The following MRPL22 variants were observed in gnomAD, a reference collection of about 807,000 sequenced individuals.
MRPL22 encodes the protein mitochondrial ribosomal protein L22.
MRPL22 carries 27 observed loss-of-function variants against 32.4 expected under a neutral mutation model. The observed-to-expected ratio is 0.83, with a 90% CI of 0.61 to 1.15. The LOEUF (loss-of-function observed/expected upper bound fraction) is 1.15, where lower values mean the gene tolerates loss of function less well. Among genes scored for constraint, MRPL22 ranks in the 50% most tolerant of loss-of-function variants. The pLI is 0.00. For missense variants in MRPL22, 239 were observed against 260.2 expected (o/e 0.92, Z 0.56); for synonymous variants, 86 against 87.3 (o/e 0.99, Z 0.08).
chr5:154,943,593 C>CACATATATACATATATACACATATATAT (rs1764448583), intron 2 of MRPL22, among the ~76,000 whole-genome samples: 1 of 151,438 alleles, frequency 6.6e-6, no homozygotes, highest in Non-Finnish European at 1.5e-5. Flanking sequence ...CACATATATG[C>CACATATATACATATATACACATATATAT]ACATATATAC....
At chr5:154,957,528 T>G (rs1244625209) in intron 5 of MRPL22, among the ~76,000 whole-genome samples, 2 of 152,212 alleles carry the variant, frequency 1.3e-5, no homozygotes, top group African/African-American at 4.8e-5. Flanking sequence ...TATTTGTGTG[T>G]ATGTATGTGT....
intron 3 of MRPL22, 38 bp from the exon 4 acceptor site, chr5:154,956,333 A>G (rs1473507707): frequency 2.1e-6 from 3 of 1,438,232 alleles, no homozygotes; most frequent in Non-Finnish European, 2.9e-6. Context: ...TAAACCTGCT[A>G]ACATTTTCTT....
rs1463401967 is a variant in MRPL22, at chr5:154,957,223, A to G, written c.339+11A>G. On this transcript the variant is annotated intron_variant, in intron 5 of 6. Coordinates refer to ENST00000523037, the MANE Select transcript of MRPL22 (RefSeq NM_014180.4). ...AAAATAATTAAAGAGGTAAACTTAC[A>G]AGTTTGGGTGTGGTAGGGAATGGGG... is the stretch of plus-strand genomic sequence containing the variant. The G allele has an allele frequency of 6.2e-7, 1 of 1,607,598 alleles. No homozygotes were observed. Among genetic ancestry groups the G allele is most frequent in the Non-Finnish European group, 8.5e-7 (1 of 1,174,076 alleles).
At chr5:154,961,423 A>G (rs1205789044) in intron 6 of MRPL22, among the ~76,000 whole-genome samples, 1 of 152,236 alleles carries the variant, frequency 6.6e-6, no homozygotes, top group Admixed American at 6.5e-5. Context: ...TGAATATCAA[A>G]TCAAATTTAA....
intron 6 of MRPL22, among the ~76,000 whole-genome samples, chr5:154,960,268 C>A (rs918738993): frequency 4.6e-5 from 7 of 152,128 alleles, no homozygotes; most frequent in African/African-American, 1.7e-4. Flanking sequence ...AGACTGAGAT[C>A]ATAAAGCCAA....
intron 6 of MRPL22, among the ~76,000 whole-genome samples, chr5:154,964,054 G>T (rs1415363157): frequency 6.6e-6 from 1 of 152,208 alleles, no homozygotes; most frequent in Non-Finnish European, 1.5e-5. Context: ...ATATTCCAGA[G>T]AACTGAACAT....
intron 4 of MRPL22, chr5:154,956,888 T>C (rs1470772983): frequency 9.2e-6 from 4 of 436,440 alleles, no homozygotes. Context: ...CTGTGGTCTC[T>C]CTGTCATGTT....
At chr5:154,948,160 C>G (rs963343584) in intron 2 of MRPL22, among the ~76,000 whole-genome samples, 1 of 152,120 alleles carries the variant, frequency 6.6e-6, no homozygotes, top group Non-Finnish European at 1.5e-5. Context: ...GTATCCGTCA[C>G]CCAACTTCAA....
At position 154,941,088 on chromosome 5, in the gene MRPL22, C is replaced by T. The variant is rs201800698; in HGVS notation, c.-23C>T. The T allele has an allele frequency of 4.2e-5, 67 of 1,613,432 alleles. No individual in the cohort carries two copies. Among genetic ancestry groups the T allele is most frequent in the East Asian group, 6.7e-5 (3 of 44,872 alleles). On this transcript the variant is annotated 5_prime_UTR_variant, in exon 1 of 7. Transcript: ENST00000523037. Reference sequence around the variant, plus strand: ...TCCAGAAGGCGCTTGAACTCGGCGGCTTCCGTAGCGGGAGGGCGAAAGATG... The same window carrying T: ...TCCAGAAGGCGCTTGAACTCGGCGGTTTCCGTAGCGGGAGGGCGAAAGATG...
At chr5:154,956,074 T>G in intron 3 of MRPL22, 1 of 273,476 alleles carries the variant, frequency 3.7e-6, no homozygotes, top group African/African-American at 2.2e-5. Context: ...TAAAGATACT[T>G]TCATTTAAAT....
intron 6 of MRPL22, among the ~76,000 whole-genome samples, chr5:154,960,828 A>G (rs960886975): frequency 1.3e-5 from 2 of 152,294 alleles, no homozygotes; most frequent in African/African-American, 4.8e-5. Context: ...TCACTACAGC[A>G]ATTACTCCTA....
intron 2 of MRPL22, 62 bp from the exon 3 acceptor site, chr5:154,950,759 G>A: frequency 9.4e-7 from 1 of 1,063,542 alleles, no homozygotes; most frequent in Admixed American, 1.9e-5. Context: ...CAAAAGATAT[G>A]TAAACTCTAC....
rs761956000 is a variant in MRPL22, at chr5:154,967,722, G to A, written c.*825G>A. On this transcript the variant is annotated 3_prime_UTR_variant, in exon 7 of 7. Transcript: ENST00000523037. This position sits in a 1 kb window ranked among gnomAD's most constrained non-coding sequence, Gnocchi z 4.7. ...CACTGCTTCCCTCTCATTCATACAC[G>A]TCTTCATTAAGAAGAAGTACTCTTT... 3 of 152,132 alleles carry A rather than the reference G, an allele frequency of 2.0e-5. No individual in the cohort carries two copies. The highest frequency in any genetic ancestry group is 6.6e-5 in the Admixed American group (1 of 15,264). The allele number at this position is 152,132 out of a possible 1,614,324, so 9.4% of individuals were successfully genotyped here.
chr5:154,948,259 A>G (rs1318451493), intron 2 of MRPL22, among the ~76,000 whole-genome samples: 1 of 152,174 alleles, frequency 6.6e-6, no homozygotes, highest in Non-Finnish European at 1.5e-5. Flanking sequence ...CATTTTCATA[A>G]ATATTTTACT....
Position 154,943,565 on chromosome 5 carries a change from G to GAT in MRPL22, c.77+2314_77+2315dup, listed in dbSNP as rs10544928. On this transcript the variant is annotated intron_variant, in intron 2 of 6. Transcript: ENST00000523037. Reference sequence around the variant, plus strand: ...CTGACCAAATAAAACATTTCTGCAGGATATATATATATATACACACATATA... The same window carrying GAT: ...CTGACCAAATAAAACATTTCTGCAGGATATATATATATATATACACACATATA... Among the ~76,000 whole-genome samples the GAT allele has an allele frequency of 4.6e-3, 696 of 150,274 alleles. 5 individuals are homozygous for GAT. Among genetic ancestry groups the GAT allele is most frequent in the Admixed American group, 0.021 (309 of 14,998 alleles).
chr5:154,956,302 T>C, intron 3 of MRPL22, 69 bp from the exon 4 acceptor site: 1 of 1,044,856 alleles, frequency 9.6e-7, no homozygotes, highest in African/African-American at 1.6e-5. Flanking sequence ...AATAACAGTA[T>C]ATGTTATTGT....
chr5:154,943,528 A>G (rs1764446875), intron 2 of MRPL22, among the ~76,000 whole-genome samples: 1 of 152,052 alleles, frequency 6.6e-6, no homozygotes, highest in Non-Finnish European at 1.5e-5. Context: ...AATTAGGTTA[A>G]GAAAACTGCT....
intron 2 of MRPL22, among the ~76,000 whole-genome samples, chr5:154,950,262 C>A (rs1764542369): frequency 6.6e-6 from 1 of 152,168 alleles, no homozygotes; most frequent in Non-Finnish European, 1.5e-5. Context: ...TCACCTCCCA[C>A]CAGGTCCCTC....
chr5:154,962,942 CTTAT>C (rs987480276), intron 6 of MRPL22, among the ~76,000 whole-genome samples: 6 of 152,036 alleles, frequency 3.9e-5, no homozygotes, highest in South Asian at 2.1e-4. Context: ...TATTTACTTA[CTTAT>C]TTATTTATTT....
Sources: allele counts gnomAD v4.1 joint callset (sites outside exome capture counted in the v4.1 genomes callset), GRCh38; gene constraint gnomAD v4.1.1; non-coding constraint Gnocchi (gnomAD v3.1); transcripts MANE v1.5; gene names NCBI Gene and HGNC (gene_info 2026-07-23, HGNC 2026-07-21).